Variants in STEAP4 observed in about 807,000 individuals in gnomAD.
STEAP4 encodes STEAP4 metalloreductase.
In STEAP4, 36 loss-of-function variants were observed where a neutral mutation model predicts 43.6. That is an observed-to-expected ratio of 0.83 (90% confidence interval 0.63 to 1.09). The LOEUF (loss-of-function observed/expected upper bound fraction) is 1.09. Ranked by LOEUF, STEAP4 falls within the 50% of genes least tolerant of loss-of-function variation. STEAP4 has a pLI of 0.00. For synonymous variants in STEAP4, 191 were observed against 196.7 expected (o/e 0.97, Z 0.24); for missense variants, 495 against 546.5 (o/e 0.91, Z 0.94).
chr7:88,303,201 A>C (rs1349938138), intron 1 of STEAP4, among the ~76,000 whole-genome samples: 1 of 145,422 alleles, frequency 6.9e-6, no homozygotes, highest in African/African-American at 2.5e-5. Context: ...AAAAAAAAAA[A>C]AAAAAAAACT....
At position 88,277,030 on chromosome 7, in the gene STEAP4, C is replaced by G. The variant is rs1299239556; in HGVS notation, c.*2368G>C. On this transcript the variant is annotated 3_prime_UTR_variant, in exon 5 of 5. Transcript: ENST00000380079. Reference sequence around the variant, plus strand: ...TGAGCCAGGATAAACACATTACTCTCTTCTTTAACAAAAAGAGCATGGTTA... The same window carrying G: ...TGAGCCAGGATAAACACATTACTCTGTTCTTTAACAAAAAGAGCATGGTTA... 6.6e-6 allele frequency: 1 copy of G among 152,186 alleles called. No homozygotes were observed. Among genetic ancestry groups the G allele is most frequent in the Admixed American group, 6.5e-5 (1 of 15,282 alleles). The allele number at this position is 152,186 out of a possible 1,614,324, so 9.4% of individuals were successfully genotyped here. A position where few individuals can be genotyped will look rare whatever the true frequency, so the allele number is the denominator to read the frequency against.
At chr7:88,297,838 A>T (rs2116014191) in intron 1 of STEAP4, among the ~76,000 whole-genome samples, 1 of 152,264 alleles carries the variant, frequency 6.6e-6, no homozygotes, top group South Asian at 2.1e-4. Context: ...ATAAGTTGAA[A>T]ACATTGTGAC....
chr7:88,294,223 C>CG (rs922962847), intron 1 of STEAP4, among the ~76,000 whole-genome samples: 1 of 151,980 alleles, frequency 6.6e-6, no homozygotes, highest in Non-Finnish European at 1.5e-5. Flanking sequence ...CTTTATGTGA[C>CG]GGGTTGCAGT....
chr7:88,286,938 C>A (rs1021301512), intron 1 of STEAP4, among the ~76,000 whole-genome samples: 22 of 152,178 alleles, frequency 1.4e-4, no homozygotes, highest in Admixed American at 4.6e-4. Context: ...GGGCTACAGA[C>A]AGACACTCTG....
Position 88,279,177 on chromosome 7 carries a change from G to A in STEAP4, c.*221C>T, listed in dbSNP as rs985768227. ...GGCCTCTGGGAAAATAAGAGTCAGG[G>A]ACCTGCACTGATTCTTCACTAACCT... On this transcript the variant is annotated 3_prime_UTR_variant, in exon 5 of 5. Transcript: ENST00000380079. 2 of 543,226 alleles carry A rather than the reference G, an allele frequency of 3.7e-6. No individual in the cohort carries two copies. The highest frequency in any genetic ancestry group is 3.8e-5 in the African/African-American group (2 of 52,570). The allele number at this position is 543,226 out of a possible 1,614,324, so 33.7% of individuals were successfully genotyped here.
chr7:88,296,139 C>G (rs1852919827), intron 1 of STEAP4, among the ~76,000 whole-genome samples: 1 of 152,180 alleles, frequency 6.6e-6, no homozygotes, highest in African/African-American at 2.4e-5. Context: ...TTGATCAGAT[C>G]TACTTATACA....
At chr7:88,291,646 T>TA (rs1852836128) in intron 1 of STEAP4, among the ~76,000 whole-genome samples, 1 of 152,176 alleles carries the variant, frequency 6.6e-6, no homozygotes, top group African/African-American at 2.4e-5. Context: ...TGTGTAAATA[T>TA]ACGTTCATGG....
Position 88,284,241 on chromosome 7 carries a change from G to A in STEAP4, c.29C>T (p.Pro10Leu), listed in dbSNP as rs936136264. ...CTTTTCTGAAGAATTCATAGTAAGA[G>A]GAAGTGCATCTATACAAGTTTTCTC... Reference protein sequence around the residue: MEKTCIDALPLTMNSSEKQE... With the variant: MEKTCIDALLLTMNSSEKQE... The change falls in exon 2 of 5, where the codon CCT (proline) becomes CTT (leucine). Residue 10 changes from proline (P) to leucine (L), a missense_variant. By Grantham distance (98) the Pro-to-Leu change is moderately conservative (BLOSUM62 -3). Transcript: ENST00000380079. 6.2e-7 allele frequency: 1 copy of A among 1,602,512 alleles called. No homozygotes were observed. Among genetic ancestry groups the A allele is most frequent in the Non-Finnish European group, 8.5e-7 (1 of 1,173,802 alleles).
chr7:88,282,669 C>T lies in STEAP4; in HGVS notation c.956G>A (p.Trp319Ter). 6.2e-7 allele frequency: 1 copy of T among 1,613,844 alleles called. No homozygotes were observed. Residue 319 changes from tryptophan (W) to a stop codon, truncating the protein, a stop_gained, in exon 3 of 5, where the codon TGG (tryptophan) becomes TAG (stop). Coordinates refer to ENST00000380079, the MANE Select transcript of STEAP4 (RefSeq NM_024636.4). LOFTEE classifies it high-confidence loss of function. ...LVIPIRYYVR[W>*]RLGNLTVTQA... is the part of the protein sequence containing the mutation. ...GGTAACGGTTAAGTTTCCCAATCTC[C>T]ATCGTACATAATATCGAATAGGAAT...
chr7:88,289,084 G>C (rs969770158), intron 1 of STEAP4, among the ~76,000 whole-genome samples: 3 of 151,484 alleles, frequency 2.0e-5, no homozygotes, highest in Middle Eastern at 3.4e-3. Context: ...GTGTGTGTAT[G>C]TGTGTGTGTT....
intron 1 of STEAP4, among the ~76,000 whole-genome samples, chr7:88,285,136 A>C (rs1852706533): frequency 2.0e-5 from 3 of 152,202 alleles, no homozygotes; most frequent in African/African-American, 7.2e-5. Context: ...TATCATACAT[A>C]CAAAAATAAT....
Position 88,270,930 on chromosome 7 carries a change from GAC to G in STEAP4, c.*8466_*8467del, listed in dbSNP as rs952975547. 2.3e-4 allele frequency: 35 copies of G among 152,088 alleles called. No individual in the cohort carries two copies. In the East Asian group the frequency reaches 5.4e-3, roughly 23 times the overall value. 9.4% of individuals were successfully genotyped at this position (152,088 alleles called of 1,614,324 possible). A position where few individuals can be genotyped will look rare whatever the true frequency, so the allele number is the denominator to read the frequency against. ...ATTTTTTAATTAAAAATTTTTAATT[GAC>G]ACACGATAATTATACATATTTATGG... On this transcript the variant is annotated 3_prime_UTR_variant, in exon 5 of 5. Transcript: ENST00000380079.
intron 1 of STEAP4, among the ~76,000 whole-genome samples, chr7:88,296,705 TA>T (rs960643153): frequency 3.3e-5 from 5 of 151,852 alleles, no homozygotes; most frequent in Admixed American, 6.6e-5. Context: ...CAAAAAATAT[TA>T]AAAAAAATAA....
chr7:88,284,707 C>A (rs1852696639), intron 1 of STEAP4, among the ~76,000 whole-genome samples: 1 of 151,974 alleles, frequency 6.6e-6, no homozygotes, highest in Non-Finnish European at 1.5e-5. Flanking sequence ...AAGATTAGTT[C>A]TATAAATTCA....
Position 88,300,378 on chromosome 7 carries a change from T to A in STEAP4, c.-3+6414A>T, listed in dbSNP as rs181712893. On this transcript the variant is annotated intron_variant, in intron 1 of 4. Transcript: ENST00000380079. ...TGCGTGCCACCATGTCCAGCTCATT[T>A]TTTTTTGTATTTTTAGTAGAGACTG... Among the ~76,000 whole-genome samples the A allele has an allele frequency of 6.6e-5, 10 of 152,150 alleles. No individual in the cohort carries two copies. The East Asian group carries it at 1.7e-3, about 27-fold the overall frequency.
At chr7:88,293,354 T>G (rs1852870787) in intron 1 of STEAP4, among the ~76,000 whole-genome samples, 1 of 152,200 alleles carries the variant, frequency 6.6e-6, no homozygotes, top group Non-Finnish European at 1.5e-5. Context: ...ATTCTACATA[T>G]GAGTCTTTTG....
rs770087418 is a variant in STEAP4, at chr7:88,277,303, T to C, written c.*2095A>G. On this transcript the variant is annotated 3_prime_UTR_variant, in exon 5 of 5. Transcript: ENST00000380079. ...ATCAAAGATAAGTTGAAGGAGCGTG[T>C]GTTCTGTGTACCTTTGCAACCAGTT... is the stretch of plus-strand genomic sequence containing the variant. 3 of 152,244 alleles carry C rather than the reference T, an allele frequency of 2.0e-5. No homozygotes were observed. The highest frequency in any genetic ancestry group is 4.4e-5 in the Non-Finnish European group (3 of 68,040). 9.4% of individuals were successfully genotyped at this position (152,244 alleles called of 1,614,324 possible). A position where few individuals can be genotyped will look rare whatever the true frequency, so the allele number is the denominator to read the frequency against.
Position 88,284,055 on chromosome 7 carries a change from T to C in STEAP4, c.215A>G (p.Lys72Arg). Residue 72 changes from lysine (K) to arginine (R), a missense_variant, in exon 2 of 5, where the codon AAG becomes AGG. Transcript: ENST00000380079. ...TGCTATGATTATGATGCCAGACTTC[T>C]TGGCTGCTTCTGAATAGCTCAAGAC... ...AEVLSYSEAA[K>R]KSGIIIIAIH... is the part of the protein sequence containing the mutation. 1 of 1,614,164 alleles carries C rather than the reference T, an allele frequency of 6.2e-7. No individual in the cohort carries two copies.
chr7:88,283,390 C>A, intron 2 of STEAP4: 1 of 518,460 alleles, frequency 1.9e-6, no homozygotes, highest in South Asian at 3.6e-5. Context: ...TGGTTTTAGG[C>A]ACATCACACT....
Sources: gnomAD v4.1 joint callset for allele counts (sites outside exome capture counted in the v4.1 genomes callset) on GRCh38, gnomAD v4.1.1 for gene constraint, MANE v1.5 for transcripts, NCBI Gene and HGNC (gene_info 2026-07-23, HGNC 2026-07-21) for gene names.